LOC128125817: variants seen among roughly 807,000 people sequenced by gnomAD.
chr1:41,595,482 G>A, the LOC128125817 span, among the ~76,000 whole-genome samples: 2 of 152,196 alleles, frequency 1.3e-5, no homozygotes, highest in African/African-American at 4.8e-5. Context: ...GGAGTCTGGA[G>A]ACTAATTCCA....
chr1:41,622,557 A>G, the LOC128125817 span, among the ~76,000 whole-genome samples: 1 of 152,164 alleles, frequency 6.6e-6, no homozygotes, highest in African/African-American at 2.4e-5. Flanking sequence ...TTTACATATT[A>G]TCTGTGGTTG....
the LOC128125817 span, among the ~76,000 whole-genome samples, chr1:41,611,841 T>A: frequency 6.6e-6 from 1 of 152,330 alleles, no homozygotes; most frequent in East Asian, 1.9e-4. Flanking sequence ...TTTCCCGCCC[T>A]GACATTCTGG....
chr1:41,624,028 T>G, the LOC128125817 span, among the ~76,000 whole-genome samples: 1 of 152,204 alleles, frequency 6.6e-6, no homozygotes, highest in South Asian at 2.1e-4. Context: ...GGAGCTGAGT[T>G]TGCTCATCAA....
At chr1:41,623,888 C>T in the LOC128125817 span, among the ~76,000 whole-genome samples, 1 of 94,696 alleles carries the variant, frequency 1.1e-5, no homozygotes, top group South Asian at 3.6e-4. Context: ...CACAGAGGCT[C>T]TCTGCATGCC....
chr1:41,589,135 A>T, the LOC128125817 span, among the ~76,000 whole-genome samples: 1 of 152,238 alleles, frequency 6.6e-6, no homozygotes, highest in South Asian at 2.1e-4. Context: ...GAAAAGAGCC[A>T]CTTTTCCAGG....
the LOC128125817 span, among the ~76,000 whole-genome samples, chr1:41,605,863 T>C: frequency 0.091 from 13,898 of 152,218 alleles, 691 homozygotes; most frequent in Middle Eastern, 0.18. Flanking sequence ...GCTTTCAGAT[T>C]TGTTTATTTA....
chr1:41,595,010 T>A, the LOC128125817 span, among the ~76,000 whole-genome samples: 16 of 152,236 alleles, frequency 1.1e-4, no homozygotes, highest in African/African-American at 3.9e-4. Flanking sequence ...CTCTGAAATG[T>A]CTGTGGTGTC....
chr1:41,622,775 A>T, the LOC128125817 span, among the ~76,000 whole-genome samples: 1 of 152,240 alleles, frequency 6.6e-6, no homozygotes. Flanking sequence ...GGAGCAGGCA[A>T]GCCAGGGGAA....
chr1:41,608,006 A>G, the LOC128125817 span, among the ~76,000 whole-genome samples: 1 of 152,222 alleles, frequency 6.6e-6, no homozygotes, highest in Non-Finnish European at 1.5e-5. Context: ...GGCCACTCCT[A>G]GCTGCTAGGA....
the LOC128125817 span, among the ~76,000 whole-genome samples, chr1:41,597,558 G>A: frequency 1.4e-4 from 21 of 152,218 alleles, no homozygotes; most frequent in African/African-American, 5.1e-4. Flanking sequence ...TTACAGGTGA[G>A]GAAACTGAGG....
the LOC128125817 span, among the ~76,000 whole-genome samples, chr1:41,613,893 TA>T: frequency 6.6e-6 from 1 of 152,242 alleles, no homozygotes; most frequent in East Asian, 1.9e-4. Context: ...GGACATTTCA[TA>T]AAAATGGAAT....
the LOC128125817 span, among the ~76,000 whole-genome samples, chr1:41,605,033 A>C: frequency 2.0e-5 from 3 of 148,874 alleles, no homozygotes; most frequent in African/African-American, 7.4e-5. Context: ...TGATCCCAGG[A>C]GGTAGAGGCT....
At chr1:41,590,547 GGACAAGAA>G in the LOC128125817 span, among the ~76,000 whole-genome samples, 4 of 152,218 alleles carry the variant, frequency 2.6e-5, no homozygotes, top group Non-Finnish European at 5.9e-5. Flanking sequence ...AGGAACAGTG[GGACAAGAA>G]GACAAGAAGA....
At chr1:41,594,726 T>C in the LOC128125817 span, among the ~76,000 whole-genome samples, 2 of 152,218 alleles carry the variant, frequency 1.3e-5, no homozygotes, top group Non-Finnish European at 2.9e-5. Flanking sequence ...TTTTTTTGTT[T>C]CCATGTGGTT....
the LOC128125817 span, among the ~76,000 whole-genome samples, chr1:41,596,186 A>G: frequency 6.6e-6 from 1 of 152,128 alleles, no homozygotes; most frequent in Admixed American, 6.5e-5. Flanking sequence ...AAGCCTCATT[A>G]TGTCAAGCAG....
At chr1:41,623,949 T>G in the LOC128125817 span, among the ~76,000 whole-genome samples, 19 of 152,348 alleles carry the variant, frequency 1.2e-4, no homozygotes, top group East Asian at 3.3e-3. Flanking sequence ...CACACATGTT[T>G]ACCTTGCTCC....
At chr1:41,608,917 CAAAAAAA>C in the LOC128125817 span, among the ~76,000 whole-genome samples, 3 of 123,548 alleles carry the variant, frequency 2.4e-5, no homozygotes, top group African/African-American at 5.9e-5. Flanking sequence ...CTAAAAATAC[CAAAAAAA>C]AAAAAAAAAA....
the LOC128125817 span, among the ~76,000 whole-genome samples, chr1:41,617,728 C>T: frequency 6.6e-6 from 1 of 152,246 alleles, no homozygotes; most frequent in Non-Finnish European, 1.5e-5. Context: ...CTTCACCTCT[C>T]CCAAATCACA....
chr1:41,612,737 C>G, the LOC128125817 span, among the ~76,000 whole-genome samples: 2 of 152,288 alleles, frequency 1.3e-5, no homozygotes, highest in Non-Finnish European at 2.9e-5. Flanking sequence ...GGAGGGTTTG[C>G]TGGCTTAAAA....
Sources: gnomAD v4.1 joint callset for allele counts (sites outside exome capture counted in the v4.1 genomes callset) on GRCh38, gnomAD v4.1.1 for gene constraint, MANE v1.5 for transcripts.